Variants in PAG1 observed in about 807,000 individuals in gnomAD.
PAG1 encodes the protein phosphoprotein associated with glycosphingolipid-enriched microdomains 1.
PAG1 carries 23 observed loss-of-function variants against 31.7 expected under a neutral mutation model. That is an observed-to-expected ratio of 0.73 (90% CI 0.52 to 1.03). The LOEUF (loss-of-function observed/expected upper bound fraction) is 1.03, where lower values mean the gene tolerates loss of function less well. PAG1 is among the 50% of genes least tolerant of loss of function. The pLI, the probability that PAG1 is intolerant of heterozygous loss-of-function variation, is 0.00. For missense variants in PAG1, 473 were observed against 540.7 expected (o/e 0.87, Z 1.24); for synonymous variants, 214 against 210.3 (o/e 1.02, Z -0.15).
At chr8:81,098,443 T>C (rs948565078) in intron 1 of PAG1, among the ~76,000 whole-genome samples, 1 of 152,220 alleles carries the variant, frequency 6.6e-6, no homozygotes, top group African/African-American at 2.4e-5. Context: ...TTTACTCTAG[T>C]GGATTCTCCT....
chr8:81,021,029 C>A (rs926217615), intron 3 of PAG1, among the ~76,000 whole-genome samples: 1 of 152,214 alleles, frequency 6.6e-6, no homozygotes, highest in Non-Finnish European at 1.5e-5. Flanking sequence ...GAGCCCAGAT[C>A]ATCTGAGCCT....
intron 1 of PAG1, among the ~76,000 whole-genome samples, chr8:81,086,249 G>A (rs1809354657): frequency 6.6e-6 from 1 of 151,884 alleles, no homozygotes; most frequent in African/African-American, 2.4e-5. Context: ...CCAAAGTGCT[G>A]GGATTACAGG....
In PAG1 at chr8:81,081,036, T is replaced by C. The variant is rs116578073; in HGVS notation, c.-233-10866A>G. On this transcript the variant is annotated intron_variant, in intron 1 of 8. Transcript: ENST00000220597. The stretch of plus-strand genomic sequence containing the variant: ...TTGGGACCAGACTGTCCAGTCCAAA[T>C]GTGGCCTCACTACTCATCAGGGCAA... 7.9e-3 allele frequency among the ~76,000 whole-genome samples: 1,201 copies of C among 152,286 alleles called. 19 individuals carry two copies. Among genetic ancestry groups the C allele is most frequent in the African/African-American group, 0.027 (1,135 of 41,564 alleles).
At chr8:81,051,186 C>T (rs16908485) in intron 2 of PAG1, among the ~76,000 whole-genome samples, 16,199 of 152,168 alleles carry the variant, frequency 0.11, 994 homozygotes, top group East Asian at 0.22. Context: ...AGCCTGAAGG[C>T]TCTGCTCTTA....
At chr8:81,053,409 T>G (rs2130886474) in intron 2 of PAG1, among the ~76,000 whole-genome samples, 1 of 152,338 alleles carries the variant, frequency 6.6e-6, no homozygotes, top group South Asian at 2.1e-4. Flanking sequence ...GTATCTAAAG[T>G]CGAGAAATGG....
At chr8:80,993,615 T>TTC (rs1807606761) in intron 3 of PAG1, among the ~76,000 whole-genome samples, 1 of 148,730 alleles carries the variant, frequency 6.7e-6, no homozygotes, top group African/African-American at 2.5e-5. Context: ...TTTTTTTTTT[T>TTC]TTCTTCAACC....
intron 3 of PAG1, among the ~76,000 whole-genome samples, chr8:81,013,640 C>T (rs922269388): frequency 3.3e-5 from 5 of 152,188 alleles, no homozygotes; most frequent in Non-Finnish European, 7.3e-5. Context: ...AGTGCAGTGG[C>T]GTGATCTCGG....
At chr8:81,016,168 T>C (rs10086374) in intron 3 of PAG1, among the ~76,000 whole-genome samples, 38,409 of 152,078 alleles carry the variant, frequency 0.25, 5,606 homozygotes, top group African/African-American at 0.4. Context: ...CAACCTAAGA[T>C]GGCCCAAACT....
intron 1 of PAG1, among the ~76,000 whole-genome samples, chr8:81,103,479 C>T (rs967527362): frequency 3.3e-5 from 5 of 152,210 alleles, no homozygotes; most frequent in East Asian, 3.9e-4. Flanking sequence ...ATATGTATAA[C>T]GGGAGTGATT....
chr8:81,104,538 T>A (rs1359543370), intron 1 of PAG1, among the ~76,000 whole-genome samples: 1 of 152,152 alleles, frequency 6.6e-6, no homozygotes, highest in Non-Finnish European at 1.5e-5. Flanking sequence ...GCCAATTGCA[T>A]CTCAGGTCCT....
At chr8:81,102,994 C>A (rs556685719) in intron 1 of PAG1, among the ~76,000 whole-genome samples, 2 of 152,278 alleles carry the variant, frequency 1.3e-5, no homozygotes, top group Admixed American at 1.3e-4. Flanking sequence ...CTCTTACAGA[C>A]AACAGCCATT....
At chr8:81,107,306 C>G (rs17571404) in intron 1 of PAG1, among the ~76,000 whole-genome samples, 10,300 of 152,252 alleles carry the variant, frequency 0.068, 457 homozygotes, top group Non-Finnish European at 0.1. Context: ...TGTCTTCCCA[C>G]CATTCCTTCA....
intron 2 of PAG1, among the ~76,000 whole-genome samples, chr8:81,056,216 C>T (rs1808820555): frequency 6.6e-6 from 1 of 152,146 alleles, no homozygotes. Context: ...TTGGAAAAAA[C>T]TACTTTAAAG....
chr8:80,984,953 G>A lies in PAG1; in HGVS notation c.699C>T (p.Asn233=). ...CATTAACACTTTGACGACATTTTTT[G>A]TTTCTGTCCACCGAGGCATATTCAG... ...EFAEYASVDR[N]KKCRQSVNVE... is the part of the protein sequence containing the mutation. Residue 233 remains asparagine, a synonymous_variant, in exon 7 of 9, where the codon AAC becomes AAT. Transcript: ENST00000220597. The A allele has an allele frequency of 6.2e-7, 1 of 1,614,002 alleles. No homozygotes were observed. Among genetic ancestry groups the A allele is most frequent in the Non-Finnish European group, 8.5e-7 (1 of 1,179,982 alleles).
chr8:81,081,635 G>A (rs765380573), intron 1 of PAG1, among the ~76,000 whole-genome samples: 14 of 151,996 alleles, frequency 9.2e-5, no homozygotes, highest in Non-Finnish European at 1.8e-4. Flanking sequence ...CTATTTGTAC[G>A]ACTTTATCAT....
chr8:81,082,284 A>G (rs1016299046), intron 1 of PAG1, among the ~76,000 whole-genome samples: 8 of 151,694 alleles, frequency 5.3e-5, no homozygotes, highest in Admixed American at 3.9e-4. Context: ...GAAAAGAAAA[A>G]AAAATCCTGA....
At chr8:81,001,552 C>G (rs1807784965) in intron 3 of PAG1, among the ~76,000 whole-genome samples, 1 of 152,064 alleles carries the variant, frequency 6.6e-6, no homozygotes, top group South Asian at 2.1e-4. Flanking sequence ...GTGGCTTTAC[C>G]CAAGTTCCCT....
intron 1 of PAG1, among the ~76,000 whole-genome samples, chr8:81,093,901 T>C (rs1313885798): frequency 6.6e-6 from 1 of 152,190 alleles, no homozygotes; most frequent in Non-Finnish European, 1.5e-5. Context: ...CCTGGTCAAT[T>C]CTGCAGGACG....
Position 80,976,238 on chromosome 8 carries a change from T to C in PAG1, c.*306A>G. 1 of 282,440 alleles carries C rather than the reference T, an allele frequency of 3.5e-6. No homozygotes were observed. The highest frequency in any genetic ancestry group is 6.6e-6 in the Non-Finnish European group (1 of 151,970). 17.5% of individuals were successfully genotyped at this position (282,440 alleles called of 1,614,324 possible). ...TGCAGCTTTTCCATACAGCTTGGCT[T>C]TCCTCACTAATGAGATGAGACCACT... On this transcript the variant is annotated 3_prime_UTR_variant, in exon 9 of 9. Transcript: ENST00000220597.
Sources: gnomAD v4.1 joint callset for allele counts (sites outside exome capture counted in the v4.1 genomes callset) on GRCh38, gnomAD v4.1.1 for gene constraint, MANE v1.5 for transcripts, NCBI Gene and HGNC (gene_info 2026-07-23, HGNC 2026-07-21) for gene names.